The following MGAT5 variants were observed in gnomAD, a reference collection of about 807,000 sequenced individuals.
The protein encoded by MGAT5 is alpha-1,6-mannosylglycoprotein 6-beta-N-acetylglucosaminyltransferase A.
MGAT5 carries 30 observed loss-of-function variants against 94.3 expected under a neutral mutation model. The observed-to-expected ratio is 0.32, with a 90% CI of 0.24 to 0.43. MGAT5 has a LOEUF of 0.43. Ranked by LOEUF, MGAT5 falls within the 20% of genes least tolerant of loss-of-function variation. MGAT5 has a pLI of 1.00. For synonymous variants in MGAT5, 310 were observed against 322.9 expected (o/e 0.96, Z 0.43); for missense variants, 691 against 905.5 (o/e 0.76, Z 3.04).
rs1688482469 is a variant in MGAT5, at chr2:134,176,663, A to G, written c.-143+56372A>G. Among the ~76,000 whole-genome samples, 4 of 152,130 alleles carry G rather than the reference A, an allele frequency of 2.6e-5. No individual in the cohort carries two copies. In the South Asian group the frequency reaches 8.3e-4, roughly 31 times the overall value. The stretch of plus-strand genomic sequence containing the variant: ...ATGACATTTAAAAAGTCTATAATAC[A>G]AGCCCCTAATTTTATTAGATTCAAA... On this transcript the variant is annotated intron_variant, in intron 1 of 16. Coordinates refer to the MGAT5 transcript ENST00000409645.
At chr2:134,333,935 G>C (rs868255808) in intron 4 of MGAT5, among the ~76,000 whole-genome samples, 50 of 152,144 alleles carry the variant, frequency 3.3e-4, no homozygotes, top group African/African-American at 1.2e-3. Context: ...ATTGGTTTAT[G>C]TATAATTTAA....
At chr2:134,151,258 T>C (rs1477380310) in intron 1 of MGAT5, among the ~76,000 whole-genome samples, 2 of 143,790 alleles carry the variant, frequency 1.4e-5, no homozygotes, top group African/African-American at 5.2e-5. Flanking sequence ...AGCCGCCCAC[T>C]GCCATGGGAC....
chr2:134,399,502 A>C (rs1682913845), intron 10 of MGAT5, among the ~76,000 whole-genome samples: 1 of 152,208 alleles, frequency 6.6e-6, no homozygotes, highest in Non-Finnish European at 1.5e-5. Context: ...AATCAGTTAG[A>C]TCAGTTGTTC....
chr2:134,294,160 G>A, intron 2 of MGAT5, among the ~76,000 whole-genome samples: 1 of 152,152 alleles, frequency 6.6e-6, no homozygotes, highest in East Asian at 1.9e-4. Context: ...TTCCAGGGTG[G>A]CTATTCTGCA....
chr2:134,414,140 CACTT>C (rs1418860216), intron 12 of MGAT5, among the ~76,000 whole-genome samples: 1 of 148,950 alleles, frequency 6.7e-6, no homozygotes, highest in Non-Finnish European at 1.5e-5. Flanking sequence ...GTTGTGCACA[CACTT>C]GTGTGTGTGT....
At chr2:134,380,276 C>G (rs1016502860) in intron 10 of MGAT5, among the ~76,000 whole-genome samples, 1 of 152,184 alleles carries the variant, frequency 6.6e-6, no homozygotes, top group African/African-American at 2.4e-5. Flanking sequence ...GAAATACGCA[C>G]GTGGCATAGT....
At chr2:134,244,682 C>T (rs1022148491) in intron 1 of MGAT5, among the ~76,000 whole-genome samples, 1 of 152,182 alleles carries the variant, frequency 6.6e-6, no homozygotes, top group African/African-American at 2.4e-5. Flanking sequence ...ATTCTAGTTA[C>T]ATGGGCAGAA....
At position 134,338,381 on chromosome 2, in the gene MGAT5, G is replaced by T. The variant is rs1484363466; in HGVS notation, c.768G>T (p.Leu256=). ...ADAWIQAIKS[L]AEKQNLEKRK... The stretch of plus-strand genomic sequence containing the variant: ...CATGGATCCAAGCAATCAAGTCCCT[G>T]GCAGAAAAGCAGAACCTTGAAAAGA... Residue 256 remains leucine (L), a synonymous_variant, in exon 6 of 16, where the codon CTG becomes CTT. Transcript: ENST00000281923. The T allele has an allele frequency of 6.2e-7, 1 of 1,611,352 alleles. No homozygotes were observed. Among genetic ancestry groups the T allele is most frequent in the Non-Finnish European group, 8.5e-7 (1 of 1,178,924 alleles).
intron 1 of MGAT5, among the ~76,000 whole-genome samples, chr2:134,193,675 TTGTGTG>T (rs58044792): frequency 0.055 from 7,167 of 130,794 alleles, 222 homozygotes; most frequent in South Asian, 0.09. Context: ...CCCCAAATCT[TTGTGTG>T]TGTGTGTGTG....
intron 1 of MGAT5, among the ~76,000 whole-genome samples, chr2:134,146,180 TA>T (rs1043564261): frequency 6.6e-6 from 1 of 152,154 alleles, no homozygotes; most frequent in Non-Finnish European, 1.5e-5. Flanking sequence ...ACAAAAAATT[TA>T]AGAAATAATG....
chr2:134,135,380 T>G (rs1422839417), intron 1 of MGAT5, among the ~76,000 whole-genome samples: 1 of 152,094 alleles, frequency 6.6e-6, no homozygotes, highest in Non-Finnish European at 1.5e-5. Context: ...ATTAATACTT[T>G]TAATGTGAAG....
At chr2:134,446,677 A>G (rs1355596858) in intron 15 of MGAT5, among the ~76,000 whole-genome samples, 1 of 152,166 alleles carries the variant, frequency 6.6e-6, no homozygotes, top group African/African-American at 2.4e-5. Context: ...ACCATCTCCC[A>G]GCTGGCATCA....
chr2:134,308,174 C>T (rs1686442965), intron 2 of MGAT5, among the ~76,000 whole-genome samples: 1 of 151,992 alleles, frequency 6.6e-6, no homozygotes, highest in South Asian at 2.1e-4. Flanking sequence ...TGTTGGCTAC[C>T]ATCATTATTA....
At chr2:134,150,407 C>T (rs1358829928) in intron 1 of MGAT5, among the ~76,000 whole-genome samples, 1 of 152,208 alleles carries the variant, frequency 6.6e-6, no homozygotes. Flanking sequence ...CAGAAGCAGT[C>T]TAATTCACAG....
At chr2:134,358,189 CTT>C (rs11385683) in intron 9 of MGAT5, among the ~76,000 whole-genome samples, 11 of 144,610 alleles carry the variant, frequency 7.6e-5, no homozygotes, top group Admixed American at 2.1e-4. Context: ...ATCACTCCAC[CTT>C]TTTTTTTTTT....
At chr2:134,265,476 C>T (rs1269135694) in intron 1 of MGAT5, among the ~76,000 whole-genome samples, 6 of 152,174 alleles carry the variant, frequency 3.9e-5, no homozygotes, top group South Asian at 4.1e-4. Context: ...TGTCAAATAA[C>T]CTGTTCCAAT....
upstream of MGAT5, among the ~76,000 whole-genome samples, chr2:134,252,230 G>C (rs1329375274): frequency 2.0e-5 from 3 of 152,142 alleles, no homozygotes; most frequent in Non-Finnish European, 4.4e-5. Flanking sequence ...GCATAATAGA[G>C]AGCACTCATG....
At chr2:134,369,196 G>C (rs376239594) in intron 10 of MGAT5, among the ~76,000 whole-genome samples, 7 of 152,302 alleles carry the variant, frequency 4.6e-5, no homozygotes, top group African/African-American at 1.7e-4. Flanking sequence ...TTTATCTGTG[G>C]AACTTGGGAT....
chr2:134,399,044 T>A (rs1682880335), intron 10 of MGAT5, among the ~76,000 whole-genome samples: 1 of 152,208 alleles, frequency 6.6e-6, no homozygotes. Context: ...CTATTTCAGA[T>A]TAGCTAGAAG....
Sources: allele counts gnomAD v4.1 joint callset (sites outside exome capture counted in the v4.1 genomes callset), GRCh38; gene constraint gnomAD v4.1.1; transcripts MANE v1.5; gene names NCBI Gene and HGNC (gene_info 2026-07-23, HGNC 2026-07-21).